The following SLC3A1 variants were observed in gnomAD, a reference collection of about 807,000 sequenced individuals.
SLC3A1 encodes amino acid transporter heavy chain SLC3A1.
In SLC3A1, 78 loss-of-function variants were observed where a neutral mutation model predicts 60.3. The ratio of observed to expected loss-of-function variants is 1.29; its 90% confidence interval spans 1.08 to 1.56. The LOEUF (loss-of-function observed/expected upper bound fraction) is 1.56, where lower values mean the gene tolerates loss of function less well. Among genes scored for constraint, SLC3A1 ranks in the 40% most tolerant of loss-of-function variants. SLC3A1 has a pLI of 0.00. For synonymous variants in SLC3A1, 392 were observed against 307.9 expected, an observed-to-expected ratio of 1.27 and a Z score of -2.86; for missense variants, 1,172 against 858.9, an observed-to-expected ratio of 1.36 and a Z score of -4.56.
chr2:44,277,505 C>G (rs1419809961), intron 1 of SLC3A1, among the ~76,000 whole-genome samples: 4 of 152,122 alleles, frequency 2.6e-5, no homozygotes, highest in Non-Finnish European at 5.9e-5. Context: ...GCCTTCATTA[C>G]TCTTTCTTTA....
chr2:44,315,008 C>G (rs10210581), intron 9 of SLC3A1: 18 of 147,952 alleles, frequency 1.2e-4, no homozygotes, highest in African/African-American at 4.2e-4. Flanking sequence ...CTTGGCTCAC[C>G]GCAACCTCCA....
intron 7 of SLC3A1, among the ~76,000 whole-genome samples, chr2:44,311,524 C>G (rs1006790420): frequency 7.9e-5 from 12 of 152,058 alleles, no homozygotes; most frequent in African/African-American, 2.4e-4. Flanking sequence ...TTCTTCCTTT[C>G]CCAGTGTTTG....
chr2:44,281,144 C>A (rs1249910674), intron 2 of SLC3A1, among the ~76,000 whole-genome samples: 1 of 142,352 alleles, frequency 7.0e-6, no homozygotes, highest in Admixed American at 7.5e-5. Context: ...CCTCCCCTCC[C>A]CTCTCCTTTC....
intron 4 of SLC3A1, among the ~76,000 whole-genome samples, chr2:44,289,290 A>G (rs1671685326): frequency 6.6e-6 from 1 of 150,756 alleles, no homozygotes; most frequent in African/African-American, 2.4e-5. Context: ...GGCTCACTGC[A>G]ACCTCCACCT....
intron 4 of SLC3A1, among the ~76,000 whole-genome samples, chr2:44,293,745 A>T (rs1671787767): frequency 6.6e-6 from 1 of 152,170 alleles, no homozygotes; most frequent in Non-Finnish European, 1.5e-5. Context: ...CAATTAAAAG[A>T]AAAATCCAAG....
intron 6 of SLC3A1, among the ~76,000 whole-genome samples, chr2:44,303,467 C>A (rs1672069354): frequency 3.3e-5 from 5 of 151,808 alleles, no homozygotes; most frequent in Admixed American, 3.3e-4. Context: ...AAACTCCTGA[C>A]CTCAAGTTAT....
In SLC3A1 at chr2:44,320,406, A is replaced by G. The variant is rs1218188442; in HGVS notation, c.1825A>G (p.Asn609Asp). The change falls in exon 10 of 10, where the codon AAT (asparagine) becomes GAT (aspartate). Residue 609 changes from asparagine (N) to aspartate (D), a missense_variant. Transcript: ENST00000260649. ...AGAATCAACACTGTTAAATCTACAT[A>G]ATATGATTTCGGGCCTTCCCGCTAA... The part of the protein sequence containing the change: ...FGESTLLNLH[N>D]MISGLPAKMR... The G allele has an allele frequency of 1.2e-6, 2 of 1,613,974 alleles. No individual in the cohort carries two copies. Among genetic ancestry groups the G allele is most frequent in the African/African-American group, 1.3e-5 (1 of 74,934 alleles).
Position 44,312,772 on chromosome 2 carries a change from G to C in SLC3A1, c.1500+19G>C. The stretch of plus-strand genomic sequence containing the variant: ...TGATATTGTAAGTTGAATACAACTT[G>C]ACTATTCATCACAGCTATAAAACCA... On this transcript the variant is annotated intron_variant, in intron 8 of 9. Transcript: ENST00000260649. 1 of 1,588,784 alleles carries C rather than the reference G, an allele frequency of 6.3e-7. No homozygotes were observed. Among genetic ancestry groups the C allele is most frequent in the Admixed American group, 1.7e-5 (1 of 59,374 alleles).
intron 4 of SLC3A1, among the ~76,000 whole-genome samples, chr2:44,299,354 T>C (rs533055495): frequency 1.3e-5 from 2 of 152,290 alleles, no homozygotes; most frequent in East Asian, 1.9e-4. Context: ...CATCTTTTAT[T>C]ATCTGAGTGT....
intron 9 of SLC3A1, chr2:44,318,949 C>G (rs936937463): frequency 6.6e-6 from 1 of 152,134 alleles, no homozygotes; most frequent in Non-Finnish European, 1.5e-5. Flanking sequence ...CAGAAAAAGA[C>G]TTCAACATAC....
At chr2:44,289,578 T>C (rs1671692903) in intron 4 of SLC3A1, among the ~76,000 whole-genome samples, 1 of 152,118 alleles carries the variant, frequency 6.6e-6, no homozygotes, top group Non-Finnish European at 1.5e-5. Context: ...CTTTTTACTT[T>C]CTTGATGGTG....
chr2:44,280,971 T>C (rs1671483843), intron 2 of SLC3A1, 76 bp downstream of exon 2: 1 of 1,257,704 alleles, frequency 8.0e-7, no homozygotes, highest in Non-Finnish European at 1.2e-6. Context: ...ACTTAAAGCA[T>C]TTCTTCTCCT....
intron 6 of SLC3A1, among the ~76,000 whole-genome samples, chr2:44,302,730 G>T (rs1238199894): frequency 6.6e-6 from 1 of 152,184 alleles, no homozygotes; most frequent in Non-Finnish European, 1.5e-5. Flanking sequence ...AATACAAGGG[G>T]GAAGTTCTTT....
rs536696614 is a variant in SLC3A1, at chr2:44,312,188, C to T, written c.1333-398C>T. 4.2e-4 allele frequency among the ~76,000 whole-genome samples: 64 copies of T among 152,042 alleles called. 1 individual carries two copies. The highest frequency in any genetic ancestry group is 6.8e-4 in the Non-Finnish European group (46 of 67,990). On this transcript the variant is annotated intron_variant, in intron 7 of 9. Transcript: ENST00000260649. ...AATTTTGTCTGAATAATTCATAAGT[C>T]AAAACAATTTTTTAAAAGAGGACAC... is the stretch of plus-strand genomic sequence containing the variant.
In SLC3A1 at chr2:44,285,807, CA is replaced by C. The variant is rs1671599433; in HGVS notation, c.766-222del. On this transcript the variant is annotated intron_variant, in intron 3 of 9. Coordinates refer to ENST00000260649, the MANE Select transcript of SLC3A1 (RefSeq NM_000341.4). Reference sequence around the variant, plus strand: ...CATTGGTTTGCTGTTGCAGTTGTTACAAACAGCATCTACTGTAAAAATACGT... The same window carrying C: ...CATTGGTTTGCTGTTGCAGTTGTTACAACAGCATCTACTGTAAAAATACGT... 6.5e-5 allele frequency: 44 copies of C among 672,380 alleles called. 1 individual carries two copies. The South Asian group carries it at 6.5e-4, about 10-fold the overall frequency. 41.7% of individuals were successfully genotyped at this position (672,380 alleles called of 1,614,324 possible).
At chr2:44,301,157 C>A (rs1671996552) in intron 6 of SLC3A1, 30 bp downstream of exon 6, 1 of 1,613,958 alleles carries the variant, frequency 6.2e-7, no homozygotes, top group East Asian at 2.2e-5. Context: ...CTCATTTCTT[C>A]CCAGGCTTAG....
chr2:44,310,497 T>C (rs774194379), intron 7 of SLC3A1, among the ~76,000 whole-genome samples: 1 of 152,182 alleles, frequency 6.6e-6, no homozygotes, highest in Non-Finnish European at 1.5e-5. Context: ...TGATAAGAAG[T>C]CAGTTGCTAA....
intron 3 of SLC3A1, 160 bp from the exon 4 acceptor site, chr2:44,285,872 G>C (rs1056693212): frequency 1.3e-5 from 11 of 862,838 alleles, no homozygotes; most frequent in Non-Finnish European, 1.8e-5. Context: ...AATGGGGTGG[G>C]GGGTATTTGG....
rs1671608614 is a variant in SLC3A1, at chr2:44,286,170, A to T, written c.891+13A>T. The T allele has an allele frequency of 1.2e-6, 2 of 1,612,654 alleles. No homozygotes were observed. Among genetic ancestry groups the T allele is most frequent in the Non-Finnish European group, 1.7e-6 (2 of 1,179,016 alleles). On this transcript the variant is annotated intron_variant, in intron 4 of 9. Transcript: ENST00000260649. Reference sequence around the variant, plus strand: ...AGAAGAAATAAAAGTGAGTATAGATACCCACACAGACTTCTCCATTAATGG... The same window carrying T: ...AGAAGAAATAAAAGTGAGTATAGATTCCCACACAGACTTCTCCATTAATGG...
Sources: gnomAD v4.1 joint callset for allele counts (sites outside exome capture counted in the v4.1 genomes callset) on GRCh38, gnomAD v4.1.1 for gene constraint, MANE v1.5 for transcripts, NCBI Gene and HGNC (gene_info 2026-07-23, HGNC 2026-07-21) for gene names.